Variants in PTPRT observed in about 807,000 individuals in gnomAD.
The protein encoded by PTPRT is receptor-type tyrosine-protein phosphatase T.
PTPRT carries 56 observed loss-of-function variants against 176.8 expected under a neutral mutation model. That is an observed-to-expected ratio of 0.32 (90% CI 0.26 to 0.40). The LOEUF is 0.40. PTPRT is among the 10% of genes least tolerant of loss of function. The probability of loss-of-function intolerance (pLI) is 1.00; values close to 1 mark genes in which losing one functional copy is unlikely to be tolerated. For missense variants in PTPRT, 1,540 were observed against 1,908.2 expected, an observed-to-expected ratio of 0.81 and a Z score of 3.60; for synonymous variants, 783 against 739.0, an observed-to-expected ratio of 1.06 and a Z score of -0.96.
At chr20:42,853,240 T>C (rs958064337) in intron 2 of PTPRT, among the ~76,000 whole-genome samples, 2 of 152,182 alleles carry the variant, frequency 1.3e-5, no homozygotes, top group Non-Finnish European at 2.9e-5. Context: ...TTTGTATTAG[T>C]TAAGGTTCTC....
At chr20:42,750,278 A>T (rs1043527688) in intron 6 of PTPRT, among the ~76,000 whole-genome samples, 7 of 152,158 alleles carry the variant, frequency 4.6e-5, no homozygotes, top group African/African-American at 1.7e-4. Context: ...ACATAATTTT[A>T]TACTTTCTAG....
At chr20:42,430,611 T>A (rs1402166998) in intron 9 of PTPRT, among the ~76,000 whole-genome samples, 1 of 152,192 alleles carries the variant, frequency 6.6e-6, no homozygotes, top group South Asian at 2.1e-4. Flanking sequence ...GAAACCTGGC[T>A]GCGAGTCCTT....
chr20:43,150,755 C>G (rs2014324941), intron 1 of PTPRT, among the ~76,000 whole-genome samples: 1 of 151,842 alleles, frequency 6.6e-6, no homozygotes, highest in African/African-American at 2.4e-5. Context: ...CTGTGTCCGG[C>G]CTTCCACAGG....
At chr20:42,317,312 C>T (rs1421725594) in intron 11 of PTPRT, among the ~76,000 whole-genome samples, 2 of 152,176 alleles carry the variant, frequency 1.3e-5, no homozygotes, top group Non-Finnish European at 2.9e-5. Context: ...GTTAGACTCT[C>T]TTTGTAAAAG....
At chr20:42,367,982 C>G (rs2058538082) in intron 9 of PTPRT, among the ~76,000 whole-genome samples, 1 of 152,192 alleles carries the variant, frequency 6.6e-6, no homozygotes, top group Admixed American at 6.5e-5. Flanking sequence ...ATGCAGGATG[C>G]AGGGACCCCT....
intron 6 of PTPRT, among the ~76,000 whole-genome samples, chr20:42,706,175 CTGTTTGTGTG>C (rs1289053411): frequency 3.7e-5 from 4 of 109,280 alleles, no homozygotes; most frequent in African/African-American, 2.0e-4. Context: ...CTCTCTCTCT[CTGTTTGTGTG>C]TGTGTGTGTG....
intron 13 of PTPRT, among the ~76,000 whole-genome samples, chr20:42,270,000 A>C (rs1324727250): frequency 6.6e-6 from 1 of 152,122 alleles, no homozygotes; most frequent in Non-Finnish European, 1.5e-5. Flanking sequence ...TTTGAATACC[A>C]TGTACCTTTC....
In PTPRT at chr20:42,955,774, T is replaced by C. The variant is rs193255088; in HGVS notation, c.89-69842A>G. 3.9e-3 allele frequency among the ~76,000 whole-genome samples: 576 copies of C among 147,946 alleles called. 1 individual carries two copies. Among genetic ancestry groups the C allele is most frequent in the Non-Finnish European group, 6.0e-3 (405 of 67,236 alleles). On this transcript the variant is annotated intron_variant, in intron 1 of 30. Coordinates refer to ENST00000373187, the MANE Select transcript of PTPRT (RefSeq NM_007050.6). ...CAGTACATTCTCACAAAGACTTCACTGCAGGGGCAAAGCCAAGGCAGAAAA... is the reference window on the plus strand; with the variant it reads ...CAGTACATTCTCACAAAGACTTCACCGCAGGGGCAAAGCCAAGGCAGAAAA...
In PTPRT at chr20:42,299,048, G is replaced by A. The variant is rs145302204; in HGVS notation, c.2140-16523C>T. ...GTATGTTAGCTTTTCTATAAGAAGG[G>A]GAAATATAACATACATTGACTTCAA... On this transcript the variant is annotated intron_variant, in intron 12 of 30. Coordinates refer to ENST00000373187, the MANE Select transcript of PTPRT (RefSeq NM_007050.6). Among the ~76,000 whole-genome samples, 353 of 151,992 alleles carry A rather than the reference G, an allele frequency of 2.3e-3. 1 individual carries two copies. Among genetic ancestry groups the A allele is most frequent in the African/African-American group, 8.1e-3 (337 of 41,440 alleles).
At chr20:42,722,166 A>G (rs1168716933) in intron 6 of PTPRT, among the ~76,000 whole-genome samples, 2 of 151,984 alleles carry the variant, frequency 1.3e-5, no homozygotes, top group African/African-American at 4.8e-5. Flanking sequence ...TCTATGAGTC[A>G]CCTGATGAAC....
At chr20:42,740,291 T>C (rs146421398) in intron 6 of PTPRT, among the ~76,000 whole-genome samples, 2 of 152,258 alleles carry the variant, frequency 1.3e-5, no homozygotes, top group East Asian at 3.9e-4. Flanking sequence ...ATTTGAGCCC[T>C]AGGATGTGAT....
At chr20:42,546,980 AAC>A (rs2072687295) in intron 7 of PTPRT, among the ~76,000 whole-genome samples, 1 of 152,306 alleles carries the variant, frequency 6.6e-6, no homozygotes, top group South Asian at 2.1e-4. Flanking sequence ...ACTGAAACGT[AAC>A]ACAGAGACAT....
At chr20:42,350,816 A>G in intron 10 of PTPRT, 86 bp from the exon 11 acceptor site, 1 of 996,698 alleles carries the variant, frequency 1.0e-6, no homozygotes, top group East Asian at 2.4e-5. Context: ...CCTTAAAGAC[A>G]CAGCATGGAT....
chr20:42,686,711 C>T (rs2075701972), intron 6 of PTPRT, among the ~76,000 whole-genome samples: 1 of 151,812 alleles, frequency 6.6e-6, no homozygotes, highest in Non-Finnish European at 1.5e-5. Context: ...CCAGGATGGT[C>T]TGGATCTCCT....
Position 42,458,935 on chromosome 20 carries a change from C to T in PTPRT, c.1451-10606G>A, listed in dbSNP as rs543689157. 1.5e-4 allele frequency among the ~76,000 whole-genome samples: 23 copies of T among 152,146 alleles called. No homozygotes were observed. The South Asian group carries it at 4.6e-3, about 30-fold the overall frequency. On this transcript the variant is annotated intron_variant, in intron 8 of 30. Transcript: ENST00000373187. ...AAATCTTGTCTCTGTGGAATGCATT[C>T]TAGTGGGAGAAGACAGATAATAAAA...
intron 1 of PTPRT, among the ~76,000 whole-genome samples, chr20:42,960,738 G>A (rs1303046270): frequency 6.6e-6 from 1 of 152,072 alleles, no homozygotes; most frequent in African/African-American, 2.4e-5. Flanking sequence ...CAACCAGCAG[G>A]TAATACAAGC....
At chr20:42,944,546 C>T (rs890526871) in intron 1 of PTPRT, among the ~76,000 whole-genome samples, 2 of 152,220 alleles carry the variant, frequency 1.3e-5, no homozygotes, top group Admixed American at 6.5e-5. Flanking sequence ...TTTCCACTTG[C>T]TGTTCCCTGG....
chr20:42,832,699 A>T (rs1257949674), intron 2 of PTPRT, among the ~76,000 whole-genome samples: 1 of 143,040 alleles, frequency 7.0e-6, no homozygotes, highest in South Asian at 2.4e-4. Context: ...GAATACAGAA[A>T]GAAAAAAAAA....
chr20:42,686,394 T>G (rs1034718670), intron 6 of PTPRT: 11 of 151,060 alleles, frequency 7.3e-5, no homozygotes, highest in African/African-American at 2.4e-4. Context: ...TTCAGTCTTT[T>G]AGATGGTCCT....
Sources: allele counts gnomAD v4.1 joint callset (sites outside exome capture counted in the v4.1 genomes callset), GRCh38; gene constraint gnomAD v4.1.1; transcripts MANE v1.5; gene names NCBI Gene and HGNC (gene_info 2026-07-23, HGNC 2026-07-21).